UTP25: variants seen among roughly 807,000 people sequenced by gnomAD.
UTP25 encodes the protein UTP25 small subunit processome component, also known as U3 small nucleolar RNA-associated protein 25 homolog.
A neutral mutation model predicts 78.9 loss-of-function variants in UTP25; 50 were observed. The ratio of observed to expected loss-of-function variants is 0.63; its 90% CI spans 0.50 to 0.80. The LOEUF is 0.80. Among genes scored for constraint, UTP25 ranks in the 30% least tolerant of loss-of-function variants. UTP25 has a pLI of 0.00. For synonymous variants in UTP25, 329 were observed against 336.5 expected, an observed-to-expected ratio of 0.98 and a Z score of 0.24; for missense variants, 846 against 911.3, an observed-to-expected ratio of 0.93 and a Z score of 0.92.
chr1:209,842,675 A>T lies in UTP25; in HGVS notation c.1761A>T (p.Leu587=), dbSNP rs775041138. The change falls in exon 10 of 12, where the codon CTA becomes CTT. Residue 587 remains leucine (L), a synonymous_variant. Transcript: ENST00000491415. The part of the protein sequence containing the change: ...HVFQRMEAEN[L]ASVIDARFNF... The stretch of plus-strand genomic sequence containing the variant: ...TCCAGAGGATGGAAGCTGAAAACCT[A>T]GCTTCAGTGATTGATGCCAGGTAAC... 3.7e-6 allele frequency: 6 copies of T among 1,612,352 alleles called. No individual in the cohort carries two copies. The highest frequency in any genetic ancestry group is 5.1e-6 in the Non-Finnish European group (6 of 1,179,394).
chr1:209,849,615 T>C (rs554060201), intron 11 of UTP25, among the ~76,000 whole-genome samples: 1 of 152,262 alleles, frequency 6.6e-6, no homozygotes, highest in South Asian at 2.1e-4. Context: ...TTCATGTCCC[T>C]ACCACCAGTG....
chr1:209,840,690 T>C (rs746820694), intron 7 of UTP25, among the ~76,000 whole-genome samples, 163 bp from the exon 8 acceptor site: 1 of 152,202 alleles, frequency 6.6e-6, no homozygotes, highest in Non-Finnish European at 1.5e-5. Flanking sequence ...GAGATTTCTC[T>C]TGTTCTTATG....
chr1:209,836,418 G>A (rs2078133285), intron 5 of UTP25, among the ~76,000 whole-genome samples: 1 of 152,172 alleles, frequency 6.6e-6, no homozygotes, highest in Non-Finnish European at 1.5e-5. Context: ...GAGGAATTAA[G>A]TTTTGTGATG....
chr1:209,837,691 A>T (rs1456304200), intron 6 of UTP25, among the ~76,000 whole-genome samples: 1 of 152,244 alleles, frequency 6.6e-6, no homozygotes, highest in Non-Finnish European at 1.5e-5. Context: ...TACATACGTC[A>T]GCCTTTGAAA....
chr1:209,838,704 GCAGGTCAT>G (rs2078148611), intron 6 of UTP25, 197 bp from the exon 7 acceptor site: 4 of 612,398 alleles, frequency 6.5e-6, no homozygotes, highest in Non-Finnish European at 1.2e-5. Flanking sequence ...TCTGAAGTCC[GCAGGTCAT>G]GGTGCTGGGG....
rs2078273885 is a variant in UTP25, at chr1:209,856,136, C to G, written c.*4689C>G. The G allele has an allele frequency of 6.6e-6, 1 of 152,242 alleles. No individual in the cohort carries two copies. The highest frequency in any genetic ancestry group is 1.5e-5 in the Non-Finnish European group (1 of 68,054). The allele number at this position is 152,242 out of a possible 1,614,324, so 9.4% of individuals were successfully genotyped here. A position where few individuals can be genotyped will look rare whatever the true frequency, so the allele number is the denominator to read the frequency against. On this transcript the variant is annotated 3_prime_UTR_variant, in exon 12 of 12. Coordinates refer to ENST00000491415, the MANE Select transcript of UTP25 (RefSeq NM_014388.7). Reference sequence around the variant, plus strand: ...GGCTCTAAACAAGTCCTCACGACCACTTCTCAGTTTTCTCATCTTTATGAA... The same window carrying G: ...GGCTCTAAACAAGTCCTCACGACCAGTTCTCAGTTTTCTCATCTTTATGAA...
chr1:209,837,295 G>A lies in UTP25; in HGVS notation c.1062+84G>A, dbSNP rs1346547762. The A allele has an allele frequency of 4.8e-6, 7 of 1,457,206 alleles. No homozygotes were observed. In the Middle Eastern group the frequency reaches 7.1e-4, roughly 148 times the overall value. The allele number at this position is 1,457,206 out of a possible 1,614,324, so 90.3% of individuals were successfully genotyped here. A position where few individuals can be genotyped will look rare whatever the true frequency, so the allele number is the denominator to read the frequency against. On this transcript the variant is annotated intron_variant, in intron 6 of 11. Coordinates refer to ENST00000491415, the MANE Select transcript of UTP25 (RefSeq NM_014388.7). ...GGTGCCTGACACTTAGCAGGAACTT[G>A]GGTATTTTAATAATTGACTGGCATA...
At chr1:209,841,495 G>GA (rs1338294040) in intron 8 of UTP25, among the ~76,000 whole-genome samples, 1 of 152,152 alleles carries the variant, frequency 6.6e-6, no homozygotes, top group Admixed American at 6.5e-5. Context: ...TTTAAGGTGG[G>GA]ATCTTGTTTT....
At position 209,833,259 on chromosome 1, in the gene UTP25, G is replaced by T. The variant is rs538401701; in HGVS notation, c.463G>T (p.Glu155Ter). ...EPPGTSQTSP[E>*]EFTDAKHESL... ...ACCGGGCACATCACAAACATCCCCC[G>T]AAGAGTTCACAGATGCAAAACACGA... The change falls in exon 4 of 12, where the codon GAA (glutamate) becomes TAA (stop). Residue 155 changes from glutamate to a stop codon, truncating the protein, a stop_gained. Transcript: ENST00000491415. LOFTEE classifies it high-confidence loss of function. 12 of 1,612,616 alleles carry T rather than the reference G, an allele frequency of 7.4e-6. No individual in the cohort carries two copies. The highest frequency in any genetic ancestry group is 1.7e-5 in the Admixed American group (1 of 59,712).
intron 1 of UTP25, among the ~76,000 whole-genome samples, chr1:209,829,359 G>A (rs963894554): frequency 1.3e-5 from 2 of 152,194 alleles, no homozygotes; most frequent in Non-Finnish European, 1.5e-5. Flanking sequence ...TTACGATAAG[G>A]AACTAAGTGT....
chr1:209,848,063 G>A (rs1322082905), intron 11 of UTP25, among the ~76,000 whole-genome samples: 1 of 152,080 alleles, frequency 6.6e-6, no homozygotes, highest in African/African-American at 2.4e-5. Context: ...TTTGCCGTAC[G>A]TTAGAATAGA....
In UTP25 at chr1:209,828,007, C is replaced by T; in HGVS notation, c.-57C>T. 1 of 1,405,576 alleles carries T rather than the reference C, an allele frequency of 7.1e-7. No homozygotes were observed. The highest frequency in any genetic ancestry group is 1.2e-5 in the South Asian group (1 of 86,916). The allele number at this position is 1,405,576 out of a possible 1,614,324, so 87.1% of individuals were successfully genotyped here. Reference sequence around the variant, plus strand: ...AGCCCACGTGCTTGTGTTGACTGGACAACTTCCTGGTGGAAAACCGCGACT... The same window carrying T: ...AGCCCACGTGCTTGTGTTGACTGGATAACTTCCTGGTGGAAAACCGCGACT... On this transcript the variant is annotated 5_prime_UTR_variant, in exon 1 of 12. Transcript: ENST00000491415.
Position 209,842,702 on chromosome 1 carries a change from C to T in UTP25, c.1781+7C>T, listed in dbSNP as rs775833078. On this transcript the variant is annotated splice_region_variant and intron_variant, in intron 10 of 11. Coordinates refer to ENST00000491415, the MANE Select transcript of UTP25 (RefSeq NM_014388.7). ...CTTCAGTGATTGATGCCAGGTAACC[C>T]ACTCCTCCCAGCAGGCCCCTGGGGA... The T allele has an allele frequency of 3.7e-6, 6 of 1,601,380 alleles. No individual in the cohort carries two copies. The highest frequency in any genetic ancestry group is 1.8e-4 in the Middle Eastern group (1 of 5,580).
intron 6 of UTP25, among the ~76,000 whole-genome samples, chr1:209,838,310 A>G (rs1298911536): frequency 6.6e-6 from 1 of 152,210 alleles, no homozygotes; most frequent in Non-Finnish European, 1.5e-5. Context: ...GTAACTTTAA[A>G]TATTTTTGAA....
chr1:209,839,656 T>C (rs548271070), intron 7 of UTP25, among the ~76,000 whole-genome samples: 1 of 152,368 alleles, frequency 6.6e-6, no homozygotes, highest in African/African-American at 2.4e-5. Context: ...GTTATACCTT[T>C]TATAGAGTAA....
chr1:209,834,257 A>C lies in UTP25; in HGVS notation c.563-818A>C, dbSNP rs979535209. Reference sequence around the variant, plus strand: ...TTCTTATGTCCTGTTGTTCACTCTTAGATATTTAATACAAGATGCATTTCA... The same window carrying C: ...TTCTTATGTCCTGTTGTTCACTCTTCGATATTTAATACAAGATGCATTTCA... On this transcript the variant is annotated intron_variant, in intron 4 of 11. Transcript: ENST00000491415. Among the ~76,000 whole-genome samples, 5 of 152,206 alleles carry C rather than the reference A, an allele frequency of 3.3e-5. No homozygotes were observed. The South Asian group carries it at 1.0e-3, about 31-fold the overall frequency.
intron 11 of UTP25, 110 bp downstream of exon 11, chr1:209,843,806 T>G: frequency 7.2e-7 from 1 of 1,396,114 alleles, no homozygotes; most frequent in Admixed American, 2.3e-5. Flanking sequence ...CATCCCTCAC[T>G]CTCGCACTCT....
At chr1:209,848,537 ATACT>A (rs1394939603) in intron 11 of UTP25, among the ~76,000 whole-genome samples, 2 of 152,146 alleles carry the variant, frequency 1.3e-5, no homozygotes, top group Non-Finnish European at 2.9e-5. Flanking sequence ...TTTTGATGAA[ATACT>A]TACCTAGTTA....
rs1479780219 is a variant in UTP25, at chr1:209,843,596, G to A, written c.1927G>A (p.Glu643Lys). The change falls in exon 11 of 12, where the codon GAG (glutamate) becomes AAG (lysine). Residue 643 changes from glutamate (E) to lysine (K), a missense_variant. Glu to Lys is a moderately conservative substitution (Grantham distance 56). Coordinates refer to ENST00000491415, the MANE Select transcript of UTP25 (RefSeq NM_014388.7). ...KEELNFTHIC[E>K]YTQKSGVSRA... ...GGAATTGAATTTTACCCACATCTGC[G>A]AGTACACGCAGAAGTCTGGTGTCTC... 1 of 1,614,144 alleles carries A rather than the reference G, an allele frequency of 6.2e-7. No homozygotes were observed. The highest frequency in any genetic ancestry group is 8.5e-7 in the Non-Finnish European group (1 of 1,180,010).
Sources: gnomAD v4.1 joint callset for allele counts (sites outside exome capture counted in the v4.1 genomes callset) on GRCh38, gnomAD v4.1.1 for gene constraint, MANE v1.5 for transcripts, NCBI Gene and HGNC (gene_info 2026-07-23, HGNC 2026-07-21) for gene names.